AP3B1: variants seen among roughly 807,000 people sequenced by gnomAD.
The protein encoded by AP3B1 is AP-3 complex subunit beta-1.
In AP3B1, 61 loss-of-function variants were observed where a neutral mutation model predicts 132.5. The observed-to-expected ratio is 0.46, with a 90% confidence interval of 0.37 to 0.57. The LOEUF is 0.57. Ranked by LOEUF, AP3B1 falls within the 20% of genes least tolerant of loss-of-function variation. The pLI is 0.00. For synonymous variants in AP3B1, 388 were observed against 438.3 expected (o/e 0.89, Z 1.43); for missense variants, 1,120 against 1,289.4 (o/e 0.87, Z 2.01).
chr5:78,217,638 A>C (rs1270385942), intron 6 of AP3B1, among the ~76,000 whole-genome samples: 2 of 152,146 alleles, frequency 1.3e-5, no homozygotes, highest in Non-Finnish European at 2.9e-5. Context: ...ACATTTCTAT[A>C]AAGTGACAAT....
chr5:78,174,772 T>A (rs1284357092), intron 11 of AP3B1, among the ~76,000 whole-genome samples: 1 of 152,256 alleles, frequency 6.6e-6, no homozygotes, highest in East Asian at 1.9e-4. Flanking sequence ...GTCAGACAGG[T>A]ACACTGATGT....
chr5:78,126,075 T>G (rs1157769016), intron 17 of AP3B1, among the ~76,000 whole-genome samples: 1 of 149,742 alleles, frequency 6.7e-6, no homozygotes, highest in Non-Finnish European at 1.5e-5. Context: ...TAAAACATCA[T>G]GTACCCCATA....
intron 11 of AP3B1, among the ~76,000 whole-genome samples, chr5:78,171,051 T>C (rs1166354218): frequency 6.6e-6 from 1 of 152,118 alleles, no homozygotes; most frequent in African/African-American, 2.4e-5. Flanking sequence ...TGTAGATATG[T>C]GGTGTTATTT....
chr5:78,163,591 G>GTGTA (rs1743478330), intron 12 of AP3B1, among the ~76,000 whole-genome samples: 1 of 145,672 alleles, frequency 6.9e-6, no homozygotes, highest in Admixed American at 6.9e-5. Context: ...GTGTGTGTGT[G>GTGTA]TATATATATA....
chr5:78,129,086 A>G, intron 16 of AP3B1, 35 bp downstream of exon 16: 1 of 1,560,146 alleles, frequency 6.4e-7, no homozygotes, highest in Non-Finnish European at 8.7e-7. Context: ...AATTTTTTAG[A>G]TAACATATAT....
rs781759536 is a variant in AP3B1, at chr5:78,039,162, T to A, written c.2690A>T (p.Asp897Val). 11 of 1,613,864 alleles carry A rather than the reference T, an allele frequency of 6.8e-6. No homozygotes were observed. The South Asian group carries it at 1.2e-4, about 18-fold the overall frequency. Reference protein sequence around the residue: ...FFPRQPCIFGDKMVSIQITLN... With the variant: ...FFPRQPCIFGVKMVSIQITLN... ...TGTTATTTGTATAGAGACCATCTTA[T>A]CACCAAAAATGCAAGGCTGTCTTGG... The change falls in exon 23 of 27, where the codon GAT (aspartate) becomes GTT (valine). Residue 897 changes from aspartate to valine, a missense_variant. By Grantham distance (152) the Asp-to-Val change is radical. Around this residue, in one of 3 missense-constraint regions of AP3B1, gnomAD observed 906 missense variants for 997.1 expected, o/e 0.91. Coordinates refer to ENST00000255194, the MANE Select transcript of AP3B1 (RefSeq NM_003664.5).
At chr5:78,256,676 T>C (rs1177342249) in intron 2 of AP3B1, among the ~76,000 whole-genome samples, 1 of 151,992 alleles carries the variant, frequency 6.6e-6, no homozygotes, top group Non-Finnish European at 1.5e-5. Context: ...ACAAGGCCAG[T>C]ATTACCCTGA....
chr5:78,046,610 G>T (rs527435959), intron 22 of AP3B1, among the ~76,000 whole-genome samples: 63 of 152,134 alleles, frequency 4.1e-4, no homozygotes, highest in African/African-American at 1.4e-3. Context: ...TGATAGATTT[G>T]TTTGTTCATT....
At chr5:78,061,716 T>C (rs997014477) in intron 22 of AP3B1, among the ~76,000 whole-genome samples, 8 of 152,248 alleles carry the variant, frequency 5.3e-5, no homozygotes, top group African/African-American at 1.4e-4. Context: ...TTATCACCCA[T>C]TGACAAACTC....
At chr5:78,204,373 T>C (rs1405316822) in intron 7 of AP3B1, among the ~76,000 whole-genome samples, 1 of 152,214 alleles carries the variant, frequency 6.6e-6, no homozygotes, top group Non-Finnish European at 1.5e-5. Flanking sequence ...AGCTGGGCCA[T>C]TTAAAAATTT....
intron 19 of AP3B1, among the ~76,000 whole-genome samples, chr5:78,110,934 T>G (rs1751564273): frequency 1.3e-5 from 2 of 152,038 alleles, no homozygotes; most frequent in South Asian, 2.1e-4. Context: ...AATTTTATAT[T>G]TTTTGTAGAG....
At chr5:78,250,428 T>C (rs534819314) in intron 2 of AP3B1, among the ~76,000 whole-genome samples, 5 of 152,308 alleles carry the variant, frequency 3.3e-5, no homozygotes, top group Admixed American at 2.6e-4. Flanking sequence ...CTATTCTAAA[T>C]AGACATTTGG....
chr5:78,039,601 C>A (rs887030006), intron 22 of AP3B1, among the ~76,000 whole-genome samples: 1 of 152,066 alleles, frequency 6.6e-6, no homozygotes, highest in African/African-American at 2.4e-5. Context: ...CGGTGAAACT[C>A]CGTCTCTACT....
chr5:78,170,135 T>A (rs910284638), intron 11 of AP3B1, among the ~76,000 whole-genome samples: 3 of 152,206 alleles, frequency 2.0e-5, no homozygotes, highest in South Asian at 4.1e-4. Context: ...ATGTGCCACA[T>A]TTTCTTAATT....
chr5:78,123,795 C>G (rs1204207394), intron 17 of AP3B1, among the ~76,000 whole-genome samples: 1 of 151,634 alleles, frequency 6.6e-6, no homozygotes, highest in East Asian at 1.9e-4. Flanking sequence ...TGTGGCGATT[C>G]CTCAGGGATC....
At chr5:78,064,864 A>T (rs1299599954) in intron 22 of AP3B1, among the ~76,000 whole-genome samples, 1 of 152,212 alleles carries the variant, frequency 6.6e-6, no homozygotes, top group Admixed American at 6.5e-5. Flanking sequence ...TGATGGGAAT[A>T]ATTCTCTCAG....
At chr5:78,246,777 T>C (rs992470180) in intron 2 of AP3B1, among the ~76,000 whole-genome samples, 1 of 152,196 alleles carries the variant, frequency 6.6e-6, no homozygotes, top group African/African-American at 2.4e-5. Flanking sequence ...TAGTTTTTCA[T>C]TTCACTGATT....
In AP3B1 at chr5:78,199,523, C is replaced by T. The variant is rs140995894; in HGVS notation, c.786+16532G>A. On this transcript the variant is annotated intron_variant, in intron 7 of 26. Transcript: ENST00000255194. ...AAAATTACAATGATCCTAAGTAGAACTAATCATGATTCCTCATGTATTCAT... is the reference window on the plus strand; with the variant it reads ...AAAATTACAATGATCCTAAGTAGAATTAATCATGATTCCTCATGTATTCAT... Among the ~76,000 whole-genome samples the T allele has an allele frequency of 3.9e-5, 6 of 152,230 alleles. No homozygotes were observed. In the East Asian group the frequency reaches 1.2e-3, roughly 29 times the overall value.
chr5:78,279,071 T>A (rs1455437059), intron 1 of AP3B1, among the ~76,000 whole-genome samples: 1 of 152,154 alleles, frequency 6.6e-6, no homozygotes, highest in Non-Finnish European at 1.5e-5. Flanking sequence ...TATGGAAAGA[T>A]CTTTTAAAAT....
Sources: gnomAD v4.1 joint callset for allele counts (sites outside exome capture counted in the v4.1 genomes callset) on GRCh38, gnomAD v4.1.1 for gene constraint, gnomAD v4.1.1 regional missense constraint, MANE v1.5 for transcripts, NCBI Gene and HGNC (gene_info 2026-07-23, HGNC 2026-07-21) for gene names.